KPNA3: variants seen among roughly 807,000 people sequenced by gnomAD.
KPNA3 encodes the protein karyopherin subunit alpha 3, also known as importin subunit alpha-4.
A neutral mutation model predicts 73.8 loss-of-function variants in KPNA3; 13 were observed. The ratio of observed to expected loss-of-function variants is 0.18; its 90% confidence interval spans 0.11 to 0.28. The LOEUF is 0.28. KPNA3 is among the 10% of genes least tolerant of loss of function. The pLI is 1.00. For synonymous variants in KPNA3, 186 were observed against 206.9 expected (o/e 0.90, Z 0.87); for missense variants, 360 against 618.1 (o/e 0.58, Z 4.43).
At chr13:49,709,797 T>C (rs1954243039) in intron 11 of KPNA3, 97 bp from the exon 12 acceptor site, 3 of 1,047,950 alleles carry the variant, frequency 2.9e-6, no homozygotes, top group Non-Finnish European at 4.1e-6. Flanking sequence ...ATGCAAGGCA[T>C]AAATAACACT....
intron 9 of KPNA3, among the ~76,000 whole-genome samples, 193 bp downstream of exon 9, chr13:49,721,762 G>A (rs182722053): frequency 2.3e-4 from 35 of 152,284 alleles, no homozygotes; most frequent in African/African-American, 7.7e-4. Flanking sequence ...GGAGCTTGCC[G>A]TGAGCCAAGA....
intron 14 of KPNA3, 53 bp downstream of exon 14, chr13:49,706,045 C>G: frequency 6.8e-7 from 1 of 1,460,570 alleles, no homozygotes; most frequent in Non-Finnish European, 9.5e-7. Flanking sequence ...CATAAGAGAG[C>G]AGCATGCTTT....
At chr13:49,778,792 G>A (rs373097324) in intron 1 of KPNA3, among the ~76,000 whole-genome samples, 189 of 152,184 alleles carry the variant, frequency 1.2e-3, no homozygotes, top group African/African-American at 4.5e-3. Context: ...ATTTTGTGTA[G>A]AGATGAGGTC....
At position 49,792,553 on chromosome 13, in the gene KPNA3, G is replaced by GGCTACTCCT. The variant is rs781776946; in HGVS notation, c.-48_-47insAGGAGTAGC. 139 of 1,389,734 alleles carry GGCTACTCCT rather than the reference G, an allele frequency of 1.0e-4. No individual in the cohort carries two copies. The highest frequency in any genetic ancestry group is 1.2e-4 in the Non-Finnish European group (125 of 1,006,184). 86.1% of individuals were successfully genotyped at this position (1,389,734 alleles called of 1,614,324 possible). ...CGGCTACTCCTGCGGCTGCGGCGGC[G>GGCTACTCCT]GCGGCGGCGAATCTTGGAGCGGGAG... On this transcript the variant is annotated 5_prime_UTR_variant, in exon 1 of 17. Transcript: ENST00000261667.
In KPNA3 at chr13:49,725,513, C is replaced by T; in HGVS notation, c.384-12G>A. On this transcript the variant is annotated splice_polypyrimidine_tract_variant and intron_variant, in intron 6 of 16. Transcript: ENST00000261667. The stretch of plus-strand genomic sequence containing the variant: ...ACTGTAATGAAGGACTGTAAAAAAA[C>T]AATAACACATCTTTTTAGACACATA... The T allele has an allele frequency of 2.7e-6, 2 of 738,300 alleles. No individual in the cohort carries two copies. The highest frequency in any genetic ancestry group is 2.4e-5 in the African/African-American group (1 of 42,438). 45.7% of individuals were successfully genotyped at this position (738,300 alleles called of 1,614,324 possible). A position where few individuals can be genotyped will look rare whatever the true frequency, so the allele number is the denominator to read the frequency against.
chr13:49,754,277 G>A (rs971355832), intron 1 of KPNA3, among the ~76,000 whole-genome samples: 54 of 152,144 alleles, frequency 3.5e-4, no homozygotes, highest in South Asian at 2.1e-4. Context: ...CTCCAGCCTG[G>A]GTGACAGAAC....
intron 1 of KPNA3, among the ~76,000 whole-genome samples, chr13:49,765,947 T>C (rs1954804477): frequency 6.6e-6 from 1 of 152,180 alleles, no homozygotes; most frequent in Admixed American, 6.5e-5. Flanking sequence ...TGAACTAAAG[T>C]ATCTCCTGGA....
In KPNA3 at chr13:49,700,006, C is replaced by A. The variant is rs1182892053; in HGVS notation, c.*1794G>T. On this transcript the variant is annotated 3_prime_UTR_variant, in exon 17 of 17. Transcript: ENST00000261667. ...TGCACAAGAGTTGAAAAATCTGAGC[C>A]ACCTTAAAGAGAAATTGATTCTAAA... The A allele has an allele frequency of 1.3e-5, 2 of 152,492 alleles. No homozygotes were observed. The highest frequency in any genetic ancestry group is 4.8e-5 in the African/African-American group (2 of 41,392). 9.4% of individuals were successfully genotyped at this position (152,492 alleles called of 1,614,324 possible). A position where few individuals can be genotyped will look rare whatever the true frequency, so the allele number is the denominator to read the frequency against.
chr13:49,758,890 T>C (rs1036169562), intron 1 of KPNA3, among the ~76,000 whole-genome samples: 5 of 152,132 alleles, frequency 3.3e-5, no homozygotes, highest in Admixed American at 2.0e-4. Flanking sequence ...AGTGAGTGCA[T>C]AGACAATACT....
At chr13:49,788,441 C>T (rs997986332) in intron 1 of KPNA3, among the ~76,000 whole-genome samples, 4 of 152,020 alleles carry the variant, frequency 2.6e-5, no homozygotes, top group Non-Finnish European at 5.9e-5. Flanking sequence ...ATTCCAGGAC[C>T]GGGCATGGTG....
chr13:49,753,018 C>G (rs1312996297), intron 1 of KPNA3, among the ~76,000 whole-genome samples: 58 of 95,508 alleles, frequency 6.1e-4, no homozygotes, highest in Non-Finnish European at 9.9e-4. Flanking sequence ...CAGAGCGAGA[C>G]TCTGTCTCAA....
intron 11 of KPNA3, among the ~76,000 whole-genome samples, 191 bp from the exon 12 acceptor site, chr13:49,709,891 T>TG (rs1176371999): frequency 1.4e-5 from 2 of 138,458 alleles, no homozygotes; most frequent in Non-Finnish European, 3.3e-5. Flanking sequence ...TGAAACTTTA[T>TG]GAAAAAAAAA....
At chr13:49,734,954 T>TAGAGAGAG (rs10675449) in intron 2 of KPNA3, among the ~76,000 whole-genome samples, 4,772 of 145,854 alleles carry the variant, frequency 0.033, 200 homozygotes, top group African/African-American at 0.095. Context: ...GAGAGATAGA[T>TAGAGAGAG]AGAGAGAGAG....
intron 1 of KPNA3, among the ~76,000 whole-genome samples, chr13:49,775,161 T>C (rs1386630491): frequency 4.3e-5 from 1 of 23,510 alleles, no homozygotes; most frequent in Non-Finnish European, 7.1e-5. Flanking sequence ...AGACTCTGTC[T>C]CAAAAAAAAA....
chr13:49,758,498 G>A (rs978259312), intron 1 of KPNA3, among the ~76,000 whole-genome samples: 1 of 152,062 alleles, frequency 6.6e-6, no homozygotes, highest in Non-Finnish European at 1.5e-5. Flanking sequence ...CGCTGCTGGT[G>A]TTGTTATTCT....
chr13:49,736,717 C>T (rs945068868), intron 2 of KPNA3, among the ~76,000 whole-genome samples: 2 of 152,090 alleles, frequency 1.3e-5, no homozygotes, highest in African/African-American at 4.8e-5. Context: ...TATTACATCC[C>T]ATACAATTTT....
chr13:49,787,258 C>T (rs541412102), intron 1 of KPNA3, among the ~76,000 whole-genome samples: 7 of 152,208 alleles, frequency 4.6e-5, no homozygotes, highest in African/African-American at 1.7e-4. Context: ...AACCAACTGG[C>T]TCCTTGCTGA....
chr13:49,768,309 G>T (rs1020179823), intron 1 of KPNA3, among the ~76,000 whole-genome samples: 3 of 146,120 alleles, frequency 2.1e-5, no homozygotes, highest in East Asian at 4.0e-4. Flanking sequence ...CTGCTACATA[G>T]AAGCCAATAT....
At chr13:49,781,827 T>C (rs1391188765) in intron 1 of KPNA3, among the ~76,000 whole-genome samples, 1 of 152,204 alleles carries the variant, frequency 6.6e-6, no homozygotes, top group Admixed American at 6.5e-5. Context: ...TAGAGTTATG[T>C]TGCAAACAAC....
Sources: gnomAD v4.1 joint callset for allele counts (sites outside exome capture counted in the v4.1 genomes callset) on GRCh38, gnomAD v4.1.1 for gene constraint, MANE v1.5 for transcripts, NCBI Gene and HGNC (gene_info 2026-07-23, HGNC 2026-07-21) for gene names.